AADACL4: variants seen among roughly 807,000 people sequenced by gnomAD.
The protein encoded by AADACL4 is arylacetamide deacetylase-like 4.
Under a neutral mutation model 14.1 loss-of-function variants are expected in AADACL4, and 9 were observed. The observed-to-expected ratio is 0.64, with a 90% CI of 0.39 to 1.12. AADACL4 has a LOEUF of 1.12. AADACL4 is among the 50% of genes most tolerant of loss of function. The probability of loss-of-function intolerance (pLI) is 0.01; values close to 1 mark genes in which losing one functional copy is unlikely to be tolerated. For missense variants in AADACL4, 531 were observed against 516.1 expected, an observed-to-expected ratio of 1.03 and a Z score of -0.28; for synonymous variants, 188 against 201.6, an observed-to-expected ratio of 0.93 and a Z score of 0.57.
At chr1:12,652,120 G>A (rs1165030954) in intron 2 of AADACL4, among the ~76,000 whole-genome samples, 8 of 152,062 alleles carry the variant, frequency 5.3e-5, no homozygotes, top group Admixed American at 5.2e-4. Flanking sequence ...ACCACGCCCA[G>A]CCTTCCAGAG....
intron 2 of AADACL4, among the ~76,000 whole-genome samples, chr1:12,658,914 C>T (rs1647205245): frequency 6.6e-6 from 1 of 152,138 alleles, no homozygotes; most frequent in Admixed American, 6.5e-5. Flanking sequence ...ATGAAGAGTG[C>T]AAGAAGTTTT....
chr1:12,658,144 C>CCT (rs1557550889), intron 2 of AADACL4, among the ~76,000 whole-genome samples: 1 of 125,884 alleles, frequency 7.9e-6, no homozygotes, highest in Admixed American at 7.6e-5. Context: ...TCCTTCCTTT[C>CCT]TTTCTTTCTT....
At chr1:12,645,932 T>C (rs1647108647) in intron 1 of AADACL4, among the ~76,000 whole-genome samples, 1 of 152,196 alleles carries the variant, frequency 6.6e-6, no homozygotes, top group South Asian at 2.1e-4. Flanking sequence ...TTTGTTGGTA[T>C]ACATGAATTT....
At chr1:12,648,489 CG>C (rs1392025376) in intron 1 of AADACL4, among the ~76,000 whole-genome samples, 1 of 151,668 alleles carries the variant, frequency 6.6e-6, no homozygotes, top group Non-Finnish European at 1.5e-5. Flanking sequence ...CGCCATCTTC[CG>C]GGTTCAAGTA....
At chr1:12,661,676 CAGAG>C (rs1339636204) in intron 2 of AADACL4, 111 bp from the exon 3 acceptor site, 2 of 1,076,532 alleles carry the variant, frequency 1.9e-6, no homozygotes, top group Admixed American at 1.7e-5. Flanking sequence ...AGGATAGAAA[CAGAG>C]AGGATGCCAC....
intron 3 of AADACL4, among the ~76,000 whole-genome samples, chr1:12,662,987 A>G (rs1647253078): frequency 6.6e-6 from 1 of 152,222 alleles, no homozygotes; most frequent in Non-Finnish European, 1.5e-5. Context: ...ATTGCTTAGG[A>G]TGCCATTATC....
chr1:12,652,194 C>G (rs1647152737), intron 2 of AADACL4, among the ~76,000 whole-genome samples: 1 of 152,146 alleles, frequency 6.6e-6, no homozygotes, highest in Non-Finnish European at 1.5e-5. Context: ...CTGTGCCCTT[C>G]CATGAAACCC....
In AADACL4 at chr1:12,651,198, A is replaced by T. The variant is rs1570427161; in HGVS notation, c.244A>T (p.Lys82Ter). 1 of 1,614,228 alleles carries T rather than the reference A, an allele frequency of 6.2e-7. No individual in the cohort carries two copies. ...TTTTTTACATGATAGCGTGAGAATT[A>T]AAAAGGACCCTGAACTTGTGGTGAC... The part of the protein sequence containing the change: ...IRFLHDSVRI[K>*]KDPELVVTDL... Residue 82 changes from lysine (K) to a stop codon, truncating the protein, a stop_gained, in exon 2 of 4, where the codon AAA (lysine) becomes TAA (stop). Coordinates refer to ENST00000376221, the MANE Select transcript of AADACL4 (RefSeq NM_001013630.2). LOFTEE classifies it high-confidence loss of function.
At chr1:12,650,532 C>CT (rs112974569) in intron 1 of AADACL4, among the ~76,000 whole-genome samples, 6,113 of 139,888 alleles carry the variant, frequency 0.044, 345 homozygotes, top group African/African-American at 0.13. Flanking sequence ...ACTGGCTTTT[C>CT]TTTTTTTTTT....
In AADACL4 at chr1:12,651,120, C is replaced by G; in HGVS notation, c.169-3C>G. The G allele has an allele frequency of 6.2e-7, 1 of 1,613,752 alleles. No homozygotes were observed. The highest frequency in any genetic ancestry group is 8.5e-7 in the Non-Finnish European group (1 of 1,179,650). ...TCTGGCTTTCTTTTGTTACCTCCAA[C>G]AGGGGAATATATTTGAGAAGCTGGG... is the stretch of plus-strand genomic sequence containing the variant. On this transcript the variant is annotated splice_polypyrimidine_tract_variant and splice_region_variant and intron_variant, in intron 1 of 3. Coordinates refer to ENST00000376221, the MANE Select transcript of AADACL4 (RefSeq NM_001013630.2).
intron 3 of AADACL4, 134 bp from the exon 4 acceptor site, chr1:12,665,827 A>C (rs1647310447): frequency 9.7e-7 from 1 of 1,028,274 alleles, no homozygotes; most frequent in Admixed American, 2.9e-5. Context: ...ATGGGGATAA[A>C]ATCCTTATTT....
intron 1 of AADACL4, among the ~76,000 whole-genome samples, chr1:12,648,657 C>T (rs1570425695): frequency 6.6e-6 from 1 of 151,784 alleles, no homozygotes; most frequent in East Asian, 1.9e-4. Flanking sequence ...CCAGCTTCGG[C>T]TTCCCAAAGT....
At chr1:12,665,138 C>T (rs1647291554) in intron 3 of AADACL4, among the ~76,000 whole-genome samples, 1 of 152,236 alleles carries the variant, frequency 6.6e-6, no homozygotes. Context: ...AGCAATCCTC[C>T]TGCCTCAGCC....
rs148341177 is a variant in AADACL4 at position 12,666,484 on chromosome 1, C to A, written c.973C>A (p.Pro325Thr). Residue 325 changes from proline (P) to threonine (T), a missense_variant, in exon 4 of 4, where the codon CCC (proline) becomes ACC (threonine). Physicochemically the swap from Pro to Thr is conservative, Grantham distance 38 (BLOSUM62 -1). Coordinates refer to ENST00000376221, the MANE Select transcript of AADACL4 (RefSeq NM_001013630.2). ...AKHMLDVENSPLIADDEVIAQ... is the reference protein window; with the variant it reads ...AKHMLDVENSTLIADDEVIAQ... ...ACATATGCTGGATGTAGAAAATTCA[C>A]CCCTGATAGCAGATGATGAGGTCAT... is the stretch of plus-strand genomic sequence containing the variant. The A allele has an allele frequency of 6.2e-7, 1 of 1,614,166 alleles. No homozygotes were observed. The highest frequency in any genetic ancestry group is 1.1e-5 in the South Asian group (1 of 91,080).
Position 12,666,065 on chromosome 1 carries a change from C to T in AADACL4, c.554C>T (p.Ser185Phe), listed in dbSNP as rs1442753477. ...CTGGAAACCTATGGGGTGGACCCCT[C>T]CAGGGTTGTGGTCTGTGGAGAAAGC... ...KALETYGVDP[S>F]RVVVCGESVG... Residue 185 changes from serine (S) to phenylalanine (F), a missense_variant, in exon 4 of 4, where the codon TCC (serine) becomes TTC (phenylalanine). Physicochemically the swap from Ser to Phe is radical, Grantham distance 155 (BLOSUM62 -2). Transcript: ENST00000376221. 1.2e-6 allele frequency: 2 copies of T among 1,614,210 alleles called. No individual in the cohort carries two copies. The highest frequency in any genetic ancestry group is 1.1e-5 in the South Asian group (1 of 91,086).
intron 2 of AADACL4, among the ~76,000 whole-genome samples, chr1:12,656,443 A>T (rs1367505177): frequency 6.6e-6 from 1 of 152,146 alleles, no homozygotes; most frequent in Non-Finnish European, 1.5e-5. Context: ...AAGCTTGCTG[A>T]TATCCATCTG....
At chr1:12,664,970 G>C (rs1406916308) in intron 3 of AADACL4, among the ~76,000 whole-genome samples, 2 of 152,152 alleles carry the variant, frequency 1.3e-5, no homozygotes, top group Non-Finnish European at 2.9e-5. Context: ...TTCACCAGCT[G>C]CTGGCACCCG....
rs144361629 is a variant in AADACL4 at position 12,649,547 on chromosome 1, C to T, written c.169-1576C>T. ...TGCAGATCAACTCATTCTCCTCCAA[C>T]TAAAGCAGGGAAATCATTATTTTGT... On this transcript the variant is annotated intron_variant, in intron 1 of 3. Coordinates refer to ENST00000376221, the MANE Select transcript of AADACL4 (RefSeq NM_001013630.2). 2.4e-4 allele frequency among the ~76,000 whole-genome samples: 36 copies of T among 152,314 alleles called. No individual in the cohort carries two copies. The South Asian group carries it at 4.4e-3, about 18-fold the overall frequency.
At position 12,651,307 on chromosome 1, in the gene AADACL4, A is replaced by G; in HGVS notation, c.353A>G (p.Tyr118Cys). 2 of 1,614,166 alleles carry G rather than the reference A, an allele frequency of 1.2e-6. No homozygotes were observed. The highest frequency in any genetic ancestry group is 1.7e-6 in the Non-Finnish European group (2 of 1,180,038). Reference protein sequence around the residue: ...SSRPRRGIIFYHGGATVFGSL... With the variant: ...SSRPRRGIIFCHGGATVFGSL... ...AGACCCCGGCGAGGCATCATCTTCT[A>G]CCATGGAGGGGCCACAGTATTTGGG... The change falls in exon 2 of 4, where the codon TAC (tyrosine) becomes TGC (cysteine). Residue 118 changes from tyrosine (Y) to cysteine (C), a missense_variant. Physicochemically the swap from Tyr to Cys is radical, Grantham distance 194. Transcript: ENST00000376221.
Sources: gnomAD v4.1 joint callset for allele counts (sites outside exome capture counted in the v4.1 genomes callset) on GRCh38, gnomAD v4.1.1 for gene constraint, MANE v1.5 for transcripts, NCBI Gene and HGNC (gene_info 2026-07-23, HGNC 2026-07-21) for gene names.